Variants in ZNF695 observed in about 807,000 individuals in gnomAD.
ZNF695 encodes zinc finger protein 695.
Under a neutral mutation model 11.2 loss-of-function variants are expected in ZNF695, and 11 were observed. That is an observed-to-expected ratio of 0.98 (90% confidence interval 0.62 to 1.62). The LOEUF is 1.62. Ranked by LOEUF, ZNF695 falls within the 40% of genes most tolerant of loss-of-function variation. ZNF695 has a pLI of 0.00. For synonymous variants in ZNF695, 190 were observed against 201.4 expected (o/e 0.94, Z 0.48); for missense variants, 559 against 590.5 (o/e 0.95, Z 0.55).
chr1:246,981,228 A>G (rs1237834316), downstream of ZNF695, among the ~76,000 whole-genome samples: 3 of 152,228 alleles, frequency 2.0e-5, no homozygotes, highest in Admixed American at 6.5e-5. Context: ...GACAGAGGAT[A>G]AGTGTTGGCG....
At chr1:246,975,675 A>G (rs370835143) in intron 4 of ZNF695, among the ~76,000 whole-genome samples, 4 of 152,350 alleles carry the variant, frequency 2.6e-5, no homozygotes, top group African/African-American at 9.6e-5. Context: ...GAGGCAGAGG[A>G]GCTAGGAAGC....
intron 1 of ZNF695, among the ~76,000 whole-genome samples, chr1:247,006,496 A>C (rs955392171): frequency 3.3e-5 from 5 of 152,078 alleles, no homozygotes; most frequent in Non-Finnish European, 7.4e-5. Flanking sequence ...CTGTATTCCC[A>C]GCTACCAGGA....
At chr1:246,961,952 T>G (rs1002149937) in intron 5 of ZNF695, among the ~76,000 whole-genome samples, 6 of 152,234 alleles carry the variant, frequency 3.9e-5, no homozygotes, top group Non-Finnish European at 8.8e-5. Context: ...CACTGTGCTT[T>G]GCAGACATAT....
At chr1:246,945,788 G>A (rs753397612) in exon 6 of ZNF695, 16 of 1,550,162 alleles carry the variant, frequency 1.0e-5, no homozygotes, top group African/African-American at 4.1e-5. Context: ...CGGAACCTCC[G>A]CAGGGTCTTC....
At chr1:246,984,035 CCAGCTA>C (rs1174909144), downstream of ZNF695, among the ~76,000 whole-genome samples, 3 of 149,930 alleles carry the variant, frequency 2.0e-5, no homozygotes, top group Non-Finnish European at 4.4e-5. Flanking sequence ...ACTTCTAGTC[CCAGCTA>C]CTCAGGGGGC....
intron 5 of ZNF695, among the ~76,000 whole-genome samples, chr1:246,958,094 T>C (rs1375048064): frequency 6.6e-6 from 1 of 151,178 alleles, no homozygotes; most frequent in Non-Finnish European, 1.5e-5. Context: ...AGTCTTGCTC[T>C]GTCGCCCAGG....
In ZNF695 at chr1:246,998,749, T is replaced by C. The variant is rs113519476; in HGVS notation, c.259+599A>G. Among the ~76,000 whole-genome samples the C allele has an allele frequency of 5.4e-3, 824 of 152,256 alleles. 10 individuals are homozygous for C. The highest frequency in any genetic ancestry group is 0.018 in the African/African-American group (768 of 41,556). On this transcript the variant is annotated intron_variant, in intron 3 of 3. Coordinates refer to ENST00000339986, the MANE Select transcript of ZNF695 (RefSeq NM_020394.5). The stretch of plus-strand genomic sequence containing the variant: ...TTGGGAGGCCGAGGCAGGTGGATCA[T>C]GAGGTCAGGAGATTGAGACCATATG...
chr1:246,964,458 G>T (rs536623062), intron 5 of ZNF695, among the ~76,000 whole-genome samples: 1 of 152,260 alleles, frequency 6.6e-6, no homozygotes, highest in African/African-American at 2.4e-5. Flanking sequence ...CAGAACAAAA[G>T]ATTCTCCTAA....
At chr1:247,002,782 CA>C (rs1342411772) in intron 1 of ZNF695, among the ~76,000 whole-genome samples, 24 of 138,414 alleles carry the variant, frequency 1.7e-4, no homozygotes, top group South Asian at 7.4e-4. Flanking sequence ...GACTCTGTCT[CA>C]AAAAAAAAAG....
At chr1:246,981,486 TG>T (rs1668711037), downstream of ZNF695, among the ~76,000 whole-genome samples, 1 of 152,180 alleles carries the variant, frequency 6.6e-6, no homozygotes, top group Non-Finnish European at 1.5e-5. Context: ...TGGGAATATT[TG>T]GGAAATAAAT....
intron 5 of ZNF695, among the ~76,000 whole-genome samples, chr1:246,954,874 A>G (rs1342517481): frequency 6.6e-6 from 1 of 152,214 alleles, no homozygotes; most frequent in East Asian, 1.9e-4. Flanking sequence ...CATTGAGTGT[A>G]CTTACACAAA....
In ZNF695 at chr1:246,986,940, A is replaced by G; in HGVS notation, c.*27T>C. ...GTGAATAGGTATTAAAGACTATGCC[A>G]TATTGTTTAGAATTGTAGGGTTTTT... is the stretch of plus-strand genomic sequence containing the variant. On this transcript the variant is annotated 3_prime_UTR_variant, in exon 4 of 4. Transcript: ENST00000339986. 3 of 1,538,662 alleles carry G rather than the reference A, an allele frequency of 1.9e-6. No individual in the cohort carries two copies. The highest frequency in any genetic ancestry group is 1.3e-5 in the South Asian group (1 of 76,102).
intron 4 of ZNF695, among the ~76,000 whole-genome samples, chr1:246,978,102 T>G (rs940595945): frequency 6.6e-6 from 1 of 152,232 alleles, no homozygotes; most frequent in Non-Finnish European, 1.5e-5. Flanking sequence ...AACATTTCTC[T>G]GTAGCAGAAC....
downstream of ZNF695, among the ~76,000 whole-genome samples, chr1:246,983,733 G>A (rs1432840930): frequency 1.3e-5 from 2 of 152,104 alleles, no homozygotes; most frequent in East Asian, 3.9e-4. Context: ...CAAGAGACTT[G>A]ATTGAACCCA....
rs6671433 is a variant in ZNF695 at position 246,953,092 on chromosome 1, T to C, written c.489-7265A>G. On this transcript the variant is annotated intron_variant, in intron 5 of 5. Transcript: ENST00000487338. ...ATACTTCCCTAGGCTTTCGGTGTAA[T>C]ACTAAGTTTGTTCTACTCTACTAGA... 7.3e-3 allele frequency among the ~76,000 whole-genome samples: 1,110 copies of C among 152,286 alleles called. 18 individuals carry two copies. Among genetic ancestry groups the C allele is most frequent in the African/African-American group, 0.025 (1,053 of 41,562 alleles).
At position 246,999,348 on chromosome 1, in the gene ZNF695, C is replaced by A. The variant is rs371846748; in HGVS notation, c.259G>T (p.Val87Phe). 1.9e-6 allele frequency: 3 copies of A among 1,611,670 alleles called. No individual in the cohort carries two copies. Among genetic ancestry groups the A allele is most frequent in the Non-Finnish European group, 2.5e-6 (3 of 1,177,944 alleles). The change falls in exon 3 of 4, where the codon GTT (valine) becomes TTT (phenylalanine). Residue 87 changes from valine (V) to phenylalanine (F), a missense_variant and splice_region_variant. Coordinates refer to ENST00000339986, the MANE Select transcript of ZNF695 (RefSeq NM_020394.5). ...VNTEKTARHS[V>F]LSSYLTEDIL... ...GTTCGCTTCATTCACTCCCACCTAC[C>A]TGAGTGTCTGGCTGTCTTCTCTGTG...
intron 5 of ZNF695, among the ~76,000 whole-genome samples, chr1:246,948,771 T>C (rs1558300662): frequency 6.6e-6 from 1 of 152,186 alleles, no homozygotes; most frequent in African/African-American, 2.4e-5. Context: ...AACAGGCTCA[T>C]AGAAGACAAG....
At chr1:246,949,233 T>C (rs1331765697) in intron 5 of ZNF695, among the ~76,000 whole-genome samples, 1 of 152,124 alleles carries the variant, frequency 6.6e-6, no homozygotes, top group East Asian at 1.9e-4. Context: ...GCAGGTGGAA[T>C]TTTTAGCTCT....
chr1:246,991,787 G>C (rs1310263231), intron 3 of ZNF695, among the ~76,000 whole-genome samples: 1 of 152,136 alleles, frequency 6.6e-6, no homozygotes, highest in African/African-American at 2.4e-5. Flanking sequence ...CCAAAGAAAG[G>C]AAATAGGTAT....
Sources: gnomAD v4.1 joint callset for allele counts (sites outside exome capture counted in the v4.1 genomes callset) on GRCh38, gnomAD v4.1.1 for gene constraint, MANE v1.5 for transcripts, NCBI Gene and HGNC (gene_info 2026-07-23, HGNC 2026-07-21) for gene names.